Variants in NFIA observed in about 807,000 individuals in gnomAD.
The protein encoded by NFIA is nuclear factor I A, also known as nuclear factor 1 A-type.
In NFIA, 8 loss-of-function variants were observed where a neutral mutation model predicts 62.8. That is an observed-to-expected ratio of 0.13 (90% confidence interval 0.07 to 0.23). The LOEUF is 0.23. Among genes scored for constraint, NFIA ranks in the 10% least tolerant of loss-of-function variants. The probability of loss-of-function intolerance (pLI) is 1.00; values close to 1 mark genes in which losing one functional copy is unlikely to be tolerated. For missense variants in NFIA, 410 were observed against 642.1 expected (o/e 0.64, Z 3.91); for synonymous variants, 235 against 238.1 (o/e 0.99, Z 0.12).
At chr1:61,245,859 G>T (rs765699479) in intron 2 of NFIA, among the ~76,000 whole-genome samples, 1 of 152,024 alleles carries the variant, frequency 6.6e-6, no homozygotes, top group Non-Finnish European at 1.5e-5. Flanking sequence ...TAGAGCTCAC[G>T]GCAAGAGTCC....
intron 2 of NFIA, among the ~76,000 whole-genome samples, chr1:61,219,616 A>C (rs973293917): frequency 6.6e-6 from 1 of 151,234 alleles, no homozygotes; most frequent in African/African-American, 2.4e-5. Context: ...TGGGAGGCTG[A>C]GGCAGGAGAA....
intron 4 of NFIA, among the ~76,000 whole-genome samples, chr1:61,336,531 T>G (rs1048263837): frequency 6.6e-6 from 1 of 152,236 alleles, no homozygotes; most frequent in Non-Finnish European, 1.5e-5. Flanking sequence ...AATTAATAAT[T>G]AAAGTCCACA....
At chr1:61,388,378 A>T (rs1451727074) in intron 7 of NFIA, among the ~76,000 whole-genome samples, 1 of 152,218 alleles carries the variant, frequency 6.6e-6, no homozygotes, top group Non-Finnish European at 1.5e-5. Flanking sequence ...TGAAAAAAGA[A>T]ATCTTTCTTC....
intron 2 of NFIA, among the ~76,000 whole-genome samples, chr1:61,096,570 T>TTTTTTTTTTTG (rs1646419290): frequency 7.4e-6 from 1 of 135,108 alleles, no homozygotes; most frequent in African/African-American, 2.9e-5. Context: ...TTTTTTTTTT[T>TTTTTTTTTTTG]GAGACGGAGT....
At chr1:61,228,575 A>G (rs956166245) in intron 2 of NFIA, among the ~76,000 whole-genome samples, 3 of 152,236 alleles carry the variant, frequency 2.0e-5, no homozygotes, top group Non-Finnish European at 2.9e-5. Flanking sequence ...TCCAGAAACT[A>G]TGAGATTTAG....
intron 2 of NFIA, among the ~76,000 whole-genome samples, chr1:61,135,386 A>G (rs1647164737): frequency 1.3e-5 from 2 of 152,104 alleles, no homozygotes; most frequent in Non-Finnish European, 2.9e-5. Flanking sequence ...CCTTCTTGTT[A>G]CCTAACTGTT....
chr1:61,267,546 G>A (rs181607485), intron 2 of NFIA, among the ~76,000 whole-genome samples: 15 of 151,760 alleles, frequency 9.9e-5, no homozygotes, highest in Admixed American at 6.6e-5. Flanking sequence ...ACCATTTCCA[G>A]CAATGCTAGT....
chr1:61,263,373 G>T (rs1656893415), intron 2 of NFIA, among the ~76,000 whole-genome samples: 1 of 152,166 alleles, frequency 6.6e-6, no homozygotes, highest in East Asian at 1.9e-4. Context: ...ACATTGCTGT[G>T]AGGAGCCCAG....
intron 2 of NFIA, among the ~76,000 whole-genome samples, chr1:61,273,057 G>C (rs1277152190): frequency 1.3e-5 from 2 of 152,138 alleles, no homozygotes; most frequent in African/African-American, 4.8e-5. Context: ...ATAGACTTTG[G>C]TTGCTATCGT....
chr1:61,391,978 T>C (rs564674686), intron 7 of NFIA, among the ~76,000 whole-genome samples: 12 of 152,330 alleles, frequency 7.9e-5, no homozygotes, highest in African/African-American at 2.9e-4. Flanking sequence ...TTATTTATTA[T>C]TGGAGTATGT....
In NFIA at chr1:61,322,542, T is replaced by G. The variant is rs548080299; in HGVS notation, c.626-9970T>G. Among the ~76,000 whole-genome samples the G allele has an allele frequency of 2.6e-5, 4 of 152,206 alleles. 1 individual carries two copies. Among genetic ancestry groups the G allele is most frequent in the African/African-American group, 9.6e-5 (4 of 41,534 alleles). On this transcript the variant is annotated intron_variant, in intron 3 of 10. Transcript: ENST00000403491. The stretch of plus-strand genomic sequence containing the variant: ...TAGAGACAATGTTCAGGGCAAGAAT[T>G]TCCTTTCAGGTACGTGGGGGTAGAA...
chr1:61,135,187 G>A (rs981367962), intron 2 of NFIA, among the ~76,000 whole-genome samples: 2 of 152,116 alleles, frequency 1.3e-5, no homozygotes, highest in Admixed American at 1.3e-4. Flanking sequence ...CTTTAGATTT[G>A]GAAATCAACT....
intron 2 of NFIA, among the ~76,000 whole-genome samples, chr1:61,100,099 T>A (rs759242713): frequency 6.6e-6 from 1 of 152,218 alleles, no homozygotes; most frequent in Non-Finnish European, 1.5e-5. Context: ...GTTTAGAAAG[T>A]AGTTGAAAAA....
intron 3 of NFIA, among the ~76,000 whole-genome samples, chr1:61,331,342 C>T (rs2100390561): frequency 6.6e-6 from 1 of 152,282 alleles, no homozygotes; most frequent in South Asian, 2.1e-4. Context: ...TCCTCCAAAA[C>T]ATGGCAACTT....
At chr1:61,135,229 T>C (rs937257227) in intron 2 of NFIA, among the ~76,000 whole-genome samples, 4 of 152,188 alleles carry the variant, frequency 2.6e-5, no homozygotes, top group African/African-American at 7.2e-5. Context: ...ATTTAAGAGA[T>C]CATTTAATAC....
intron 2 of NFIA, among the ~76,000 whole-genome samples, chr1:61,204,117 G>A (rs189071327): frequency 3.1e-4 from 47 of 152,308 alleles, no homozygotes; most frequent in Middle Eastern, 6.8e-3. Context: ...TGAACTGGAC[G>A]GGGGCCTTTC....
At chr1:61,391,768 A>G (rs1664998616) in intron 7 of NFIA, among the ~76,000 whole-genome samples, 1 of 152,134 alleles carries the variant, frequency 6.6e-6, no homozygotes. Context: ...AGGTTTGTTC[A>G]TCTTTCTCCT....
At position 61,209,606 on chromosome 1, in the gene NFIA, C is replaced by T. The variant is rs151150529; in HGVS notation, c.560-67914C>T. Among the ~76,000 whole-genome samples the T allele has an allele frequency of 8.8e-3, 1,335 of 151,966 alleles. 20 individuals are homozygous for T. The highest frequency in any genetic ancestry group is 0.03 in the African/African-American group (1,254 of 41,446). Reference sequence around the variant, plus strand: ...TGGGAGGCTGAGGCGGGTGGATCACCTGAGGTCAGGAGTTTGAGACCAATC... The same window carrying T: ...TGGGAGGCTGAGGCGGGTGGATCACTTGAGGTCAGGAGTTTGAGACCAATC... On this transcript the variant is annotated intron_variant, in intron 2 of 10. Coordinates refer to ENST00000403491, the MANE Select transcript of NFIA (RefSeq NM_001134673.4).
At chr1:61,111,252 G>T (rs1168802996) in intron 2 of NFIA, among the ~76,000 whole-genome samples, 1 of 152,004 alleles carries the variant, frequency 6.6e-6, no homozygotes, top group Non-Finnish European at 1.5e-5. Context: ...TTTATAAGTT[G>T]CCAGATCTTT....
Sources: allele counts gnomAD v4.1 joint callset (sites outside exome capture counted in the v4.1 genomes callset), GRCh38; gene constraint gnomAD v4.1.1; transcripts MANE v1.5; gene names NCBI Gene and HGNC (gene_info 2026-07-23, HGNC 2026-07-21).